The following MYRIP variants were observed in gnomAD, a reference collection of about 807,000 sequenced individuals.
MYRIP encodes the protein myosin VIIA and Rab interacting protein.
A neutral mutation model predicts 98.0 loss-of-function variants in MYRIP; 49 were observed. The observed-to-expected ratio is 0.50, with a 90% CI of 0.40 to 0.63. The LOEUF is 0.63. Ranked by LOEUF, MYRIP falls within the 30% of genes least tolerant of loss-of-function variation. The pLI is 0.00. For synonymous variants in MYRIP, 404 were observed against 409.5 expected, an observed-to-expected ratio of 0.99 and a Z score of 0.16; for missense variants, 1,004 against 1,058.2, an observed-to-expected ratio of 0.95 and a Z score of 0.71.
In MYRIP at chr3:40,161,809, C is replaced by T. The variant is rs561331633; in HGVS notation, c.470-921C>T. ...CCTCCCCCTTCCAAGCTATTCTCTA[C>T]GCAGTAGCCACAGTGCACTTTTAGA... On this transcript the variant is annotated intron_variant, in intron 4 of 16. Coordinates refer to ENST00000302541, the MANE Select transcript of MYRIP (RefSeq NM_015460.4). Among the ~76,000 whole-genome samples, 26 of 152,268 alleles carry T rather than the reference C, an allele frequency of 1.7e-4. No individual in the cohort carries two copies. The South Asian group carries it at 5.0e-3, about 29-fold the overall frequency.
At chr3:40,024,633 G>T (rs1421069098) in intron 2 of MYRIP, among the ~76,000 whole-genome samples, 2 of 151,692 alleles carry the variant, frequency 1.3e-5, no homozygotes, top group East Asian at 3.9e-4. Flanking sequence ...CTGGTATGCT[G>T]TGGTATAATA....
chr3:40,220,906 G>A (rs973502933), intron 11 of MYRIP, among the ~76,000 whole-genome samples: 3 of 151,752 alleles, frequency 2.0e-5, no homozygotes, highest in Non-Finnish European at 4.4e-5. Flanking sequence ...CTGCCCCCAC[G>A]ATCCAATCAC....
chr3:39,866,021 T>C (rs1197054731), intron 1 of MYRIP, among the ~76,000 whole-genome samples: 1 of 152,156 alleles, frequency 6.6e-6, no homozygotes, highest in Non-Finnish European at 1.5e-5. Context: ...ACGTCCTTTG[T>C]AGCAACATCA....
At chr3:39,812,573 A>G (rs1020987375) in intron 1 of MYRIP, among the ~76,000 whole-genome samples, 1 of 152,256 alleles carries the variant, frequency 6.6e-6, no homozygotes, top group Admixed American at 6.5e-5. Context: ...AGTAATGCAA[A>G]CATGAAATTA....
intron 2 of MYRIP, among the ~76,000 whole-genome samples, chr3:39,997,453 C>G (rs200628627): frequency 1.4e-3 from 208 of 151,308 alleles, no homozygotes; most frequent in East Asian, 7.2e-3. Flanking sequence ...ATAAATTCCT[C>G]GACACATACA....
chr3:39,872,592 G>GT (rs1299491586), intron 1 of MYRIP, among the ~76,000 whole-genome samples: 5 of 150,492 alleles, frequency 3.3e-5, no homozygotes, highest in East Asian at 2.0e-4. Flanking sequence ...GCGGTGTTTG[G>GT]TTTTTTGTCC....
At chr3:40,005,722 T>C (rs1243333236) in intron 2 of MYRIP, among the ~76,000 whole-genome samples, 1 of 152,238 alleles carries the variant, frequency 6.6e-6, no homozygotes, top group Non-Finnish European at 1.5e-5. Flanking sequence ...CATGCCCGTC[T>C]TTTGAGTATC....
intron 1 of MYRIP, among the ~76,000 whole-genome samples, chr3:39,839,077 T>A (rs1259133460): frequency 6.6e-6 from 1 of 152,154 alleles, no homozygotes. Context: ...TTGATTCTTC[T>A]CTCTTTTCTT....
chr3:40,177,615 C>G (rs1435201236), intron 8 of MYRIP, among the ~76,000 whole-genome samples: 1 of 152,202 alleles, frequency 6.6e-6, no homozygotes, highest in African/African-American at 2.4e-5. Flanking sequence ...AATTTCCTCC[C>G]TCATTGTGCG....
intron 13 of MYRIP, among the ~76,000 whole-genome samples, chr3:40,247,344 T>C (rs1018546358): frequency 6.6e-6 from 1 of 152,232 alleles, no homozygotes; most frequent in Non-Finnish European, 1.5e-5. Flanking sequence ...AGCGTTATTT[T>C]GTACTAGGTA....
chr3:39,872,335 TTTA>T (rs143805990), intron 1 of MYRIP, among the ~76,000 whole-genome samples: 6,126 of 151,314 alleles, frequency 0.04, 302 homozygotes, highest in East Asian at 0.13. Flanking sequence ...TAAATATTTC[TTTA>T]TTATTATTAT....
chr3:39,913,231 A>T (rs1944069687), intron 2 of MYRIP, among the ~76,000 whole-genome samples: 1 of 152,180 alleles, frequency 6.6e-6, no homozygotes, highest in Non-Finnish European at 1.5e-5. Flanking sequence ...GACTTCTGTA[A>T]GAAATCTATT....
At chr3:40,176,580 T>C (rs1259905440) in intron 8 of MYRIP, among the ~76,000 whole-genome samples, 5 of 151,738 alleles carry the variant, frequency 3.3e-5, no homozygotes, top group African/African-American at 1.2e-4. Flanking sequence ...TGAGACCCCA[T>C]CTCTACAAAA....
At chr3:40,059,654 T>C (rs1404913556) in intron 3 of MYRIP, among the ~76,000 whole-genome samples, 1 of 152,198 alleles carries the variant, frequency 6.6e-6, no homozygotes, top group Non-Finnish European at 1.5e-5. Flanking sequence ...CTTGCCTTAT[T>C]GAGTTCATGT....
intron 3 of MYRIP, among the ~76,000 whole-genome samples, chr3:40,094,462 G>A (rs1049861962): frequency 6.6e-6 from 1 of 152,206 alleles, no homozygotes; most frequent in African/African-American, 2.4e-5. Context: ...CTGGAGTAAT[G>A]CTGTCCACCT....
At chr3:40,077,169 C>G (rs895341142) in intron 3 of MYRIP, among the ~76,000 whole-genome samples, 1 of 152,000 alleles carries the variant, frequency 6.6e-6, no homozygotes, top group Admixed American at 6.6e-5. Context: ...TGCAGACCTT[C>G]GCGGTGAGTG....
chr3:40,004,569 G>A (rs527987991), intron 2 of MYRIP, among the ~76,000 whole-genome samples: 1 of 152,212 alleles, frequency 6.6e-6, no homozygotes, highest in African/African-American at 2.4e-5. Flanking sequence ...AGATTTTGGT[G>A]CACCTGTCAC....
intron 10 of MYRIP, among the ~76,000 whole-genome samples, chr3:40,200,175 G>A (rs866607781): frequency 6.7e-6 from 1 of 149,296 alleles, no homozygotes; most frequent in African/African-American, 2.4e-5. Context: ...CTAGGTCAGG[G>A]TATCCAATCT....
intron 11 of MYRIP, among the ~76,000 whole-genome samples, chr3:40,229,740 G>A (rs962043951): frequency 1.3e-5 from 2 of 152,134 alleles, no homozygotes; most frequent in South Asian, 2.1e-4. Flanking sequence ...AGCTGACCTT[G>A]TAGATTTGGT....
Sources: allele counts gnomAD v4.1 joint callset (sites outside exome capture counted in the v4.1 genomes callset), GRCh38; gene constraint gnomAD v4.1.1; transcripts MANE v1.5; gene names NCBI Gene and HGNC (gene_info 2026-07-23, HGNC 2026-07-21).